Variants in RINT1 observed in about 807,000 individuals in gnomAD.
RINT1 encodes the protein RAD50 interactor 1, also known as RAD50-interacting protein 1.
A neutral mutation model predicts 97.7 loss-of-function variants in RINT1; 75 were observed. The ratio of observed to expected loss-of-function variants is 0.77; its 90% CI spans 0.64 to 0.93. The LOEUF is 0.93. Among genes scored for constraint, RINT1 ranks in the 40% least tolerant of loss-of-function variants. The probability of loss-of-function intolerance (pLI) is 0.00; values close to 1 mark genes in which losing one functional copy is unlikely to be tolerated. For synonymous variants in RINT1, 303 were observed against 326.3 expected, an observed-to-expected ratio of 0.93 and a Z score of 0.77; for missense variants, 892 against 925.2, an observed-to-expected ratio of 0.96 and a Z score of 0.47.
Position 105,540,544 on chromosome 7 carries a change from G to C in RINT1, c.274-1864G>C, listed in dbSNP as rs61536878. Among the ~76,000 whole-genome samples the C allele has an allele frequency of 3.9e-3, 599 of 152,216 alleles. 6 individuals carry two copies. The highest frequency in any genetic ancestry group is 0.014 in the African/African-American group (579 of 41,536). ...CCCAAAGTGCTAGGATTACAGGCAT[G>C]AGACACTGTGCCCGGCTGAATTTTT... is the stretch of plus-strand genomic sequence containing the variant. On this transcript the variant is annotated intron_variant, in intron 3 of 14. Coordinates refer to ENST00000257700, the MANE Select transcript of RINT1 (RefSeq NM_021930.6).
rs755565434 is a variant in RINT1, at chr7:105,565,233, T to C, written c.1887-44T>C. 4 of 1,544,348 alleles carry C rather than the reference T, an allele frequency of 2.6e-6. No homozygotes were observed. The Admixed American group carries it at 6.1e-5, about 23-fold the overall frequency. ...TAAAATGATTTAAAAACTTGAAAAA[T>C]AGAAACTGATGAAAATTTTTTGGTA... On this transcript the variant is annotated intron_variant, in intron 12 of 14. Transcript: ENST00000257700.
At position 105,547,066 on chromosome 7, in the gene RINT1, C is replaced by G. The variant is rs1586234707; in HGVS notation, c.672C>G (p.Leu224=). 3 of 1,613,690 alleles carry G rather than the reference C, an allele frequency of 1.9e-6. No individual in the cohort carries two copies. Among genetic ancestry groups the G allele is most frequent in the East Asian group, 2.2e-5 (1 of 44,882 alleles). ...CAGTTAAATTCTGGCATAAAATTCTCAAGGACAAGCTTACAAGGTAGGGAA... is the reference window on the plus strand; with the variant it reads ...CAGTTAAATTCTGGCATAAAATTCTGAAGGACAAGCTTACAAGGTAGGGAA... ...RATVKFWHKI[L]KDKLTSDFEE... is the part of the protein sequence containing the mutation. Residue 224 remains leucine, a synonymous_variant, in exon 5 of 15, where the codon CTC becomes CTG. Coordinates refer to ENST00000257700, the MANE Select transcript of RINT1 (RefSeq NM_021930.6).
intron 3 of RINT1, among the ~76,000 whole-genome samples, chr7:105,539,361 T>G (rs1790368897): frequency 8.9e-6 from 1 of 111,914 alleles, no homozygotes; most frequent in Non-Finnish European, 2.2e-5. Flanking sequence ...CACTCTTTTT[T>G]TTTTTTTTTT....
chr7:105,567,171 C>A lies in RINT1; in HGVS notation c.2239C>A (p.Leu747Met). ...LNLNVGSALLLKDVLQSASGQ... is the reference protein window; with the variant it reads ...LNLNVGSALLMKDVLQSASGQ... ...TTTGAACGTCGGTTCTGCACTACTG[C>A]TGAAAGATGTACTGCAGTCAGCTTC... Residue 747 changes from leucine (L) to methionine (M), a missense_variant, in exon 15 of 15, where the codon CTG (leucine) becomes ATG (methionine). Leu to Met is a conservative substitution (Grantham distance 15, BLOSUM62 2). Transcript: ENST00000257700. The A allele has an allele frequency of 1.2e-6, 2 of 1,606,268 alleles. No individual in the cohort carries two copies. The highest frequency in any genetic ancestry group is 1.7e-6 in the Non-Finnish European group (2 of 1,177,970).
At position 105,538,840 on chromosome 7, in the gene RINT1, T is replaced by C. The variant is rs79184827; in HGVS notation, c.273+2091T>C. Among the ~76,000 whole-genome samples the C allele has an allele frequency of 7.0e-4, 106 of 152,344 alleles. 2 individuals carry two copies. In the East Asian group the frequency reaches 0.02, roughly 29 times the overall value. On this transcript the variant is annotated intron_variant, in intron 3 of 14. Coordinates refer to ENST00000257700, the MANE Select transcript of RINT1 (RefSeq NM_021930.6). The stretch of plus-strand genomic sequence containing the variant: ...AAGGATCAGTCGAAGGCAGACCTTA[T>C]ACCCCAGGTTCTCTCTGCCACCTCA...
At chr7:105,565,700 G>T in intron 14 of RINT1, 52 bp downstream of exon 14, 1 of 1,225,462 alleles carries the variant, frequency 8.2e-7, no homozygotes, top group East Asian at 2.3e-5. Flanking sequence ...GTTACAGGAG[G>T]CTAACTCCTT....
At position 105,550,305 on chromosome 7, in the gene RINT1, AGC is replaced by A; in HGVS notation, c.1153_1154del (p.Ala385HisfsTer2). ...GLMMLVLEKL[A>X]TDIPCLLYDD... is the part of the protein sequence containing the mutation. ...TTATGATGCTGGTTCTTGAGAAGTTAGCCACTGATATTCCTTGTCTGCTATAT... is the reference window on the plus strand; with the variant it reads ...TTATGATGCTGGTTCTTGAGAAGTTACACTGATATTCCTTGTCTGCTATAT... On this transcript the variant is annotated frameshift_variant, in exon 9 of 15. Transcript: ENST00000257700. LOFTEE classifies it high-confidence loss of function. The A allele has an allele frequency of 6.2e-7, 1 of 1,614,086 alleles. No homozygotes were observed. Among genetic ancestry groups the A allele is most frequent in the South Asian group, 1.1e-5 (1 of 91,082 alleles).
chr7:105,555,317 A>G, intron 11 of RINT1, 90 bp downstream of exon 11: 1 of 1,036,546 alleles, frequency 9.6e-7, no homozygotes, highest in Non-Finnish European at 1.4e-6. Flanking sequence ...ATTGCAAGCA[A>G]AAATAAACAT....
At chr7:105,544,661 C>T (rs554441939) in intron 4 of RINT1, among the ~76,000 whole-genome samples, 15 of 152,290 alleles carry the variant, frequency 9.8e-5, no homozygotes, top group African/African-American at 3.6e-4. Context: ...TCTTGAACTC[C>T]TGACCTCAAG....
At chr7:105,535,804 C>T (rs1790208165) in intron 2 of RINT1, 1 of 289,396 alleles carries the variant, frequency 3.5e-6, no homozygotes. Context: ...TCCCACAGTG[C>T]TGGGATTACA....
intron 7 of RINT1, among the ~76,000 whole-genome samples, chr7:105,548,981 ATTTCT>A (rs1403149619): frequency 4.7e-5 from 7 of 150,418 alleles, no homozygotes; most frequent in African/African-American, 1.7e-4. Context: ...AGCACTTGGT[ATTTCT>A]TTTCTTTTTT....
chr7:105,539,271 T>C (rs1483430438), intron 3 of RINT1, among the ~76,000 whole-genome samples: 1 of 152,110 alleles, frequency 6.6e-6, no homozygotes, highest in Non-Finnish European at 1.5e-5. Flanking sequence ...GATTCCTTCT[T>C]ATCATCCTCT....
chr7:105,559,128 C>T (rs913380659), intron 11 of RINT1, among the ~76,000 whole-genome samples: 2 of 152,042 alleles, frequency 1.3e-5, no homozygotes, highest in African/African-American at 4.8e-5. Context: ...GGTGTGGTGG[C>T]TCACGCCTGT....
At chr7:105,560,422 C>T (rs1049377873) in intron 11 of RINT1, among the ~76,000 whole-genome samples, 4 of 152,048 alleles carry the variant, frequency 2.6e-5, no homozygotes, top group Non-Finnish European at 5.9e-5. Flanking sequence ...GTAGTTGATG[C>T]CCATGACACA....
intron 3 of RINT1, among the ~76,000 whole-genome samples, chr7:105,541,231 C>T (rs1790444768): frequency 6.6e-6 from 1 of 151,596 alleles, no homozygotes; most frequent in Non-Finnish European, 1.5e-5. Context: ...CAACCTCCTC[C>T]CGGTTCAAGT....
chr7:105,563,513 G>A (rs921630182), intron 11 of RINT1, among the ~76,000 whole-genome samples: 19 of 152,038 alleles, frequency 1.2e-4, no homozygotes, highest in African/African-American at 4.6e-4. Context: ...TGTATTTTTA[G>A]TAGAGTTGGA....
At chr7:105,549,110 C>T (rs1790810975) in intron 7 of RINT1, among the ~76,000 whole-genome samples, 1 of 151,766 alleles carries the variant, frequency 6.6e-6, no homozygotes, top group Admixed American at 6.6e-5. Flanking sequence ...GCCTCAGCCT[C>T]CCAAGTAGCT....
chr7:105,548,814 G>T lies in RINT1; in HGVS notation c.996+104G>T, dbSNP rs569458678. 236 of 1,117,448 alleles carry T rather than the reference G, an allele frequency of 2.1e-4. No individual in the cohort carries two copies. The East Asian group carries it at 5.6e-3, about 26-fold the overall frequency. The allele number at this position is 1,117,448 out of a possible 1,614,324, so 69.2% of individuals were successfully genotyped here. The stretch of plus-strand genomic sequence containing the variant: ...AAAATCTGACTCTCTTCACATTTCT[G>T]TTTTTTTTCTAAAGGGCTACATTCC... On this transcript the variant is annotated intron_variant, in intron 7 of 14. Coordinates refer to ENST00000257700, the MANE Select transcript of RINT1 (RefSeq NM_021930.6).
chr7:105,546,160 A>G (rs1790660108), intron 4 of RINT1, among the ~76,000 whole-genome samples: 1 of 152,214 alleles, frequency 6.6e-6, no homozygotes, highest in Non-Finnish European at 1.5e-5. Context: ...TGGGAAATCA[A>G]GTTCAGCTGG....
Sources: gnomAD v4.1 joint callset for allele counts (sites outside exome capture counted in the v4.1 genomes callset) on GRCh38, gnomAD v4.1.1 for gene constraint, MANE v1.5 for transcripts, NCBI Gene and HGNC (gene_info 2026-07-23, HGNC 2026-07-21) for gene names.